Variants in DDX19A observed in about 807,000 individuals in gnomAD.
The protein encoded by DDX19A is DEAD-box helicase 19A, also known as ATP-dependent RNA helicase DDX19A.
DDX19A carries 12 observed loss-of-function variants against 60.6 expected under a neutral mutation model. That is an observed-to-expected ratio of 0.20 (90% confidence interval 0.13 to 0.32). The LOEUF is 0.32. Ranked by LOEUF, DDX19A falls within the 10% of genes least tolerant of loss-of-function variation. The pLI is 1.00. For missense variants in DDX19A, 337 were observed against 600.6 expected, an observed-to-expected ratio of 0.56 and a Z score of 4.59; for synonymous variants, 206 against 218.2, an observed-to-expected ratio of 0.94 and a Z score of 0.49.
At chr16:70,371,004 A>T in intron 10 of DDX19A, 2 of 329,624 alleles carry the variant, frequency 6.1e-6, no homozygotes, top group South Asian at 7.0e-5. Context: ...TCAAAAATAA[A>T]AAAAGAAAGA....
At position 70,370,717 on chromosome 16, in the gene DDX19A, CA is replaced by C. The variant is rs1964658234; in HGVS notation, c.1183+333del. The C allele has an allele frequency of 3.5e-5, 8 of 231,416 alleles. No homozygotes were observed. The South Asian group carries it at 8.5e-4, about 25-fold the overall frequency. The allele number at this position is 231,416 out of a possible 1,614,324, so 14.3% of individuals were successfully genotyped here. A position where few individuals can be genotyped will look rare whatever the true frequency, so the allele number is the denominator to read the frequency against. The stretch of plus-strand genomic sequence containing the variant: ...TCTCCAAAAAAAAAAAGGAAGAGGG[CA>C]GGCCCAGTGGCTCACGCCTGTAATC... On this transcript the variant is annotated intron_variant, in intron 10 of 11. Coordinates refer to ENST00000302243, the MANE Select transcript of DDX19A (RefSeq NM_018332.5).
intron 5 of DDX19A, chr16:70,361,740 A>C: frequency 2.4e-6 from 1 of 409,212 alleles, no homozygotes; most frequent in Non-Finnish European, 4.4e-6. Context: ...ATGCTATCTT[A>C]AAAACTGGGC....
Position 70,372,296 on chromosome 16 carries a change from T to G in DDX19A, c.*310T>G. The G allele has an allele frequency of 2.1e-6, 1 of 466,030 alleles. No individual in the cohort carries two copies. Among genetic ancestry groups the G allele is most frequent in the Non-Finnish European group, 3.9e-6 (1 of 257,434 alleles). 28.9% of individuals were successfully genotyped at this position (466,030 alleles called of 1,614,324 possible). On this transcript the variant is annotated 3_prime_UTR_variant, in exon 12 of 12. Coordinates refer to ENST00000302243, the MANE Select transcript of DDX19A (RefSeq NM_018332.5). ...CCCAGGACCCCCTCCTGATTTTGGCTAGGCATCGTGGAACCAGCTCCAGCC... is the reference window on the plus strand; with the variant it reads ...CCCAGGACCCCCTCCTGATTTTGGCGAGGCATCGTGGAACCAGCTCCAGCC...
At chr16:70,369,868 C>T (rs1567658212) in intron 9 of DDX19A, among the ~76,000 whole-genome samples, 1 of 152,106 alleles carries the variant, frequency 6.6e-6, no homozygotes, top group Admixed American at 6.6e-5. Context: ...GCCTCGTCCT[C>T]CCAAAGTGCT....
Position 70,371,547 on chromosome 16 carries a change from A to T in DDX19A, c.1359A>T (p.Arg453Ser), listed in dbSNP as rs201932985. The T allele has an allele frequency of 6.7e-6, 10 of 1,495,260 alleles. No individual in the cohort carries two copies. The East Asian group carries it at 2.4e-4, about 36-fold the overall frequency. The allele number at this position is 1,495,260 out of a possible 1,614,324, so 92.6% of individuals were successfully genotyped here. A position where few individuals can be genotyped will look rare whatever the true frequency, so the allele number is the denominator to read the frequency against. Residue 453 changes from arginine (R) to serine (S), a missense_variant, in exon 11 of 12, where the codon AGA becomes AGT. Arg to Ser is a moderately radical substitution (Grantham distance 110). Transcript: ENST00000302243. The part of the protein sequence containing the change: ...DSKHSMNILN[R>S]IQEHFNKKIE... ...AGCACAGCATGAACATCCTGAACAG[A>T]ATCCAGGAGCATTTTAGTGAGTCCC...
chr16:70,361,925 C>T (rs1303167883), intron 5 of DDX19A, among the ~76,000 whole-genome samples: 1 of 151,836 alleles, frequency 6.6e-6, no homozygotes, highest in Non-Finnish European at 1.5e-5. Context: ...AATCCTAGCA[C>T]TTTGGGAGGC....
intron 5 of DDX19A, 85 bp downstream of exon 5, chr16:70,361,595 G>T: frequency 9.2e-7 from 1 of 1,088,796 alleles, no homozygotes; most frequent in South Asian, 1.3e-5. Context: ...AGAACAGAAG[G>T]AGCTGTTTGG....
At chr16:70,366,319 C>T in intron 8 of DDX19A, 57 bp downstream of exon 8, 1 of 1,608,396 alleles carries the variant, frequency 6.2e-7, no homozygotes, top group Non-Finnish European at 8.5e-7. Flanking sequence ...TGTCTTCTCC[C>T]TTCACTTCAG....
chr16:70,364,722 A>G, intron 6 of DDX19A, 77 bp downstream of exon 6: 1 of 1,109,198 alleles, frequency 9.0e-7, no homozygotes, highest in East Asian at 2.4e-5. Context: ...GAGTAACGAG[A>G]GGTCTGAAGC....
intron 3 of DDX19A, 23 bp downstream of exon 3, chr16:70,355,558 G>C: frequency 6.2e-7 from 1 of 1,608,510 alleles, no homozygotes; most frequent in Non-Finnish European, 8.5e-7. Context: ...GGATGCCCTT[G>C]GCAAGAGACG....
chr16:70,369,368 C>T (rs1394923288), intron 9 of DDX19A, among the ~76,000 whole-genome samples: 2 of 150,494 alleles, frequency 1.3e-5, no homozygotes, highest in African/African-American at 4.9e-5. Context: ...TTAGCAGAGA[C>T]GGGGTTTCAC....
intron 2 of DDX19A, among the ~76,000 whole-genome samples, chr16:70,353,904 A>C (rs1483978783): frequency 6.6e-6 from 1 of 151,172 alleles, no homozygotes; most frequent in Admixed American, 6.6e-5. Context: ...CTGTCTCAAA[A>C]AAAAAAAAAA....
chr16:70,355,332 G>A (rs950016629), intron 2 of DDX19A, among the ~76,000 whole-genome samples, 153 bp from the exon 3 acceptor site: 6 of 152,120 alleles, frequency 3.9e-5, no homozygotes, highest in Admixed American at 6.6e-5. Context: ...CCAAGGTTGC[G>A]CCATTGCACT....
chr16:70,366,546 C>T, intron 8 of DDX19A, 78 bp from the exon 9 acceptor site: 1 of 1,577,086 alleles, frequency 6.3e-7, no homozygotes, highest in East Asian at 2.2e-5. Context: ...GGCATCTAGA[C>T]CCTCCCAGCT....
In DDX19A at chr16:70,371,612, C is replaced by T. The variant is rs570293745; in HGVS notation, c.1375+49C>T. On this transcript the variant is annotated intron_variant, in intron 11 of 11. Coordinates refer to ENST00000302243, the MANE Select transcript of DDX19A (RefSeq NM_018332.5). ...GCCTGGCGCCCTTTGCTAAGTAGGG[C>T]GGGGTGGTGAAAGGGGTAGGATCTT... 1.4e-3 allele frequency: 1,370 copies of T among 966,642 alleles called. 4 individuals are homozygous for T. Among genetic ancestry groups the T allele is most frequent in the South Asian group, 6.3e-3 (379 of 59,720 alleles). 59.9% of individuals were successfully genotyped at this position (966,642 alleles called of 1,614,324 possible).
At chr16:70,355,833 A>G in intron 3 of DDX19A, 2 of 575,748 alleles carry the variant, frequency 3.5e-6, no homozygotes, top group Non-Finnish European at 6.2e-6. Flanking sequence ...GTGGTAGCAC[A>G]CACCTGTACT....
chr16:70,361,365 C>T, intron 4 of DDX19A, 53 bp from the exon 5 acceptor site: 1 of 1,350,126 alleles, frequency 7.4e-7, no homozygotes, highest in Non-Finnish European at 1.1e-6. Context: ...TTCTAGGCCT[C>T]TAAAACAATT....
intron 3 of DDX19A, 89 bp downstream of exon 3, chr16:70,355,624 A>G: frequency 4.0e-6 from 4 of 1,001,060 alleles, no homozygotes; most frequent in Non-Finnish European, 6.3e-6. Flanking sequence ...TACAAGATCC[A>G]GGAGATGAGA....
chr16:70,370,318 T>C lies in DDX19A; in HGVS notation c.1116T>C (p.Ala372=), dbSNP rs1964644494. Residue 372 remains alanine (A), a synonymous_variant, in exon 10 of 12, where the codon GCT becomes GCC. Transcript: ENST00000302243. ...LSGEMMVEQR[A]AVIERFREGK... ...GGGAGATGATGGTGGAGCAGAGGGC[T>C]GCGGTGATTGAGCGCTTCCGAGAGG... 19 of 1,614,064 alleles carry C rather than the reference T, an allele frequency of 1.2e-5. No individual in the cohort carries two copies. The highest frequency in any genetic ancestry group is 1.4e-5 in the Non-Finnish European group (17 of 1,180,000).
Sources: gnomAD v4.1 joint callset for allele counts (sites outside exome capture counted in the v4.1 genomes callset) on GRCh38, gnomAD v4.1.1 for gene constraint, MANE v1.5 for transcripts, NCBI Gene and HGNC (gene_info 2026-07-23, HGNC 2026-07-21) for gene names.